MYLIP: variants seen among roughly 807,000 people sequenced by gnomAD.
MYLIP encodes the protein myosin regulatory light chain interacting protein, also known as E3 ubiquitin-protein ligase MYLIP.
MYLIP carries 26 observed loss-of-function variants against 45.8 expected under a neutral mutation model. The ratio of observed to expected loss-of-function variants is 0.57; its 90% CI spans 0.42 to 0.79. The LOEUF is 0.79. Ranked by LOEUF, MYLIP falls within the 30% of genes least tolerant of loss-of-function variation. The probability of loss-of-function intolerance (pLI) is 0.00; values close to 1 mark genes in which losing one functional copy is unlikely to be tolerated. For missense variants in MYLIP, 494 were observed against 555.6 expected, an observed-to-expected ratio of 0.89 and a Z score of 1.11; for synonymous variants, 213 against 218.1, an observed-to-expected ratio of 0.98 and a Z score of 0.21.
chr6:16,156,463 C>G, the MYLIP span, among the ~76,000 whole-genome samples: 10 of 152,292 alleles, frequency 6.6e-5, no homozygotes, highest in Admixed American at 2.0e-4. Context: ...AGGTGGTGGA[C>G]TTCTTTCCAA....
Position 16,143,206 on chromosome 6 carries a change from C to G in MYLIP, c.651C>G (p.Ser217Arg), listed in dbSNP as rs151199797. ...TCTCAATTTGTAAAGATGACTTTAG[C>G]CCAATTAATAGGTAAGCCAAGACTT... The part of the protein sequence containing the change: ...EGISICKDDF[S>R]PINRIAYPVV... The change falls in exon 4 of 7, where the codon AGC becomes AGG. Residue 217 changes from serine (S) to arginine (R), a missense_variant. By Grantham distance (110) the Ser-to-Arg change is moderately radical. Transcript: ENST00000356840. The G allele has an allele frequency of 2.6e-4, 427 of 1,614,144 alleles. 2 individuals carry two copies. The African/African-American group carries it at 5.4e-3, about 20-fold the overall frequency.
intron 5 of MYLIP, 86 bp downstream of exon 5, chr6:16,143,949 G>C: frequency 6.9e-7 from 1 of 1,454,956 alleles, no homozygotes; most frequent in Non-Finnish European, 9.3e-7. Flanking sequence ...TCCTTGGATT[G>C]TTGTGTCAAT....
intron 2 of MYLIP, among the ~76,000 whole-genome samples, chr6:16,135,462 C>T (rs1203279592): frequency 6.6e-6 from 1 of 152,044 alleles, no homozygotes; most frequent in African/African-American, 2.4e-5. Flanking sequence ...ATCAGTGATT[C>T]TCATTTTGTA....
At chr6:16,156,742 T>C in the MYLIP span, among the ~76,000 whole-genome samples, 3 of 152,232 alleles carry the variant, frequency 2.0e-5, no homozygotes, top group Non-Finnish European at 4.4e-5. Flanking sequence ...GGAAAGCAGA[T>C]ATAGCTTGTT....
the MYLIP span, among the ~76,000 whole-genome samples, chr6:16,160,305 T>A: frequency 1.3e-5 from 2 of 152,198 alleles, no homozygotes. Flanking sequence ...GTTGATTGCC[T>A]GCACAACAGC....
chr6:16,158,624 A>T, the MYLIP span, among the ~76,000 whole-genome samples: 1 of 152,226 alleles, frequency 6.6e-6, no homozygotes, highest in Admixed American at 6.5e-5. Flanking sequence ...AATTGGGACA[A>T]GTCGAATAAG....
intron 2 of MYLIP, among the ~76,000 whole-genome samples, chr6:16,139,229 C>G (rs1285308087): frequency 1.3e-5 from 2 of 151,922 alleles, no homozygotes; most frequent in East Asian, 1.9e-4. Context: ...GGTGAAACCC[C>G]GTCTCTAATA....
chr6:16,160,065 A>G, the MYLIP span, among the ~76,000 whole-genome samples: 15 of 152,320 alleles, frequency 9.8e-5, no homozygotes, highest in East Asian at 2.9e-3. Context: ...ACAAACGTGT[A>G]AGAACAATGA....
chr6:16,143,150 A>C lies in MYLIP; in HGVS notation c.595A>C (p.Lys199Gln). The change falls in exon 4 of 7, where the codon AAA becomes CAA. Residue 199 changes from lysine (K) to glutamine (Q), a missense_variant. By Grantham distance (53) the Lys-to-Gln change is moderately conservative. Transcript: ENST00000356840. ...WHSVRDSEGQ[K>Q]LLIGVGPEGI... ...TTCTGTGCGGGATAGCGAAGGGCAGAAACTGCTCATTGGGGTTGGACCTGA... is the reference window on the plus strand; with the variant it reads ...TTCTGTGCGGGATAGCGAAGGGCAGCAACTGCTCATTGGGGTTGGACCTGA... 1 of 1,614,218 alleles carries C rather than the reference A, an allele frequency of 6.2e-7. No homozygotes were observed. Among genetic ancestry groups the C allele is most frequent in the Non-Finnish European group, 8.5e-7 (1 of 1,180,042 alleles).
chr6:16,149,612 T>C (rs1759854103), downstream of MYLIP, among the ~76,000 whole-genome samples: 1 of 152,222 alleles, frequency 6.6e-6, no homozygotes, highest in African/African-American at 2.4e-5. Context: ...GAATCTTGAA[T>C]TCCAGGTTTA....
Position 16,129,100 on chromosome 6 carries a change from A to T in MYLIP, c.-223A>T, listed in dbSNP as rs1037735302. 8 of 549,284 alleles carry T rather than the reference A, an allele frequency of 1.5e-5. No homozygotes were observed. Among genetic ancestry groups the T allele is most frequent in the African/African-American group, 1.4e-4 (7 of 49,350 alleles). 34.0% of individuals were successfully genotyped at this position (549,284 alleles called of 1,614,324 possible). Reference sequence around the variant, plus strand: ...GCAGCGCAGGCAGTTGGGCTGCTGGAGTGCGGCGCCACCGCGGAGGACAGG... The same window carrying T: ...GCAGCGCAGGCAGTTGGGCTGCTGGTGTGCGGCGCCACCGCGGAGGACAGG... On this transcript the variant is annotated 5_prime_UTR_variant, in exon 1 of 7. Coordinates refer to ENST00000356840, the MANE Select transcript of MYLIP (RefSeq NM_013262.4). The surrounding 1 kb of genome is among the most constrained non-coding windows in gnomAD (Gnocchi z 5.1).
rs1042617372 is a variant in MYLIP at position 16,141,956 on chromosome 6, A to G, written c.464+146A>G. On this transcript the variant is annotated intron_variant, in intron 3 of 6. Coordinates refer to ENST00000356840, the MANE Select transcript of MYLIP (RefSeq NM_013262.4). Reference sequence around the variant, plus strand: ...TGATGTTCGAGGCACTTAAGAAGTCATACATAATATACATGTTATGTCAAA... The same window carrying G: ...TGATGTTCGAGGCACTTAAGAAGTCGTACATAATATACATGTTATGTCAAA... 3 of 677,228 alleles carry G rather than the reference A, an allele frequency of 4.4e-6. No homozygotes were observed. The African/African-American group carries it at 5.4e-5, about 12-fold the overall frequency. The allele number at this position is 677,228 out of a possible 1,614,324, so 42.0% of individuals were successfully genotyped here. A position where few individuals can be genotyped will look rare whatever the true frequency, so the allele number is the denominator to read the frequency against.
At chr6:16,135,287 G>A (rs1462191455) in intron 2 of MYLIP, among the ~76,000 whole-genome samples, 1 of 152,188 alleles carries the variant, frequency 6.6e-6, no homozygotes, top group African/African-American at 2.4e-5. Context: ...TGCCTAGGAT[G>A]GGGATCTACT....
At chr6:16,151,715 A>T (rs1207544303), downstream of MYLIP, among the ~76,000 whole-genome samples, 2 of 152,242 alleles carry the variant, frequency 1.3e-5, no homozygotes, top group Non-Finnish European at 2.9e-5. Flanking sequence ...AGTTAGCCCT[A>T]TGCCTCTTAA....
At chr6:16,152,573 G>A (rs1164111457), downstream of MYLIP, among the ~76,000 whole-genome samples, 1 of 152,198 alleles carries the variant, frequency 6.6e-6, no homozygotes, top group African/African-American at 2.4e-5. Context: ...CAGTATTGCT[G>A]CTGTTGAGAA....
At chr6:16,148,344 C>T (rs529902686), downstream of MYLIP, 2 of 150,912 alleles carry the variant, frequency 1.3e-5, no homozygotes, top group Non-Finnish European at 2.9e-5. Context: ...TTCCTCCTAC[C>T]GGGAATTTAA....
chr6:16,141,707 G>T lies in MYLIP; in HGVS notation c.361G>T (p.Ala121Ser), dbSNP rs145292846. The change falls in exon 3 of 7, where the codon GCC (alanine) becomes TCC (serine). Residue 121 changes from alanine to serine, a missense_variant. Transcript: ENST00000356840. ...CSPEQAVELS[A>S]LLAQTKFGDY... ...CCCAGAGCAGGCAGTGGAACTCAGTGCCCTCCTGGCCCAGACCAAGTTTGG... is the reference window on the plus strand; with the variant it reads ...CCCAGAGCAGGCAGTGGAACTCAGTTCCCTCCTGGCCCAGACCAAGTTTGG... 56 of 1,614,118 alleles carry T rather than the reference G, an allele frequency of 3.5e-5. No homozygotes were observed. The African/African-American group carries it at 6.7e-4, about 19-fold the overall frequency.
chr6:16,145,710 T>C (rs1033143264), intron 6 of MYLIP, among the ~76,000 whole-genome samples: 2 of 152,152 alleles, frequency 1.3e-5, no homozygotes, highest in Non-Finnish European at 2.9e-5. Flanking sequence ...ACTTAAGATA[T>C]TTGGGAAAGA....
At chr6:16,163,264 G>C in the MYLIP span, 2 of 152,084 alleles carry the variant, frequency 1.3e-5, no homozygotes, top group African/African-American at 4.8e-5. Flanking sequence ...CACTGGTCTC[G>C]TGCTGCTGGA....
Sources: gnomAD v4.1 joint callset for allele counts (sites outside exome capture counted in the v4.1 genomes callset) on GRCh38, gnomAD v4.1.1 for gene constraint, Gnocchi (gnomAD v3.1) non-coding constraint, MANE v1.5 for transcripts, NCBI Gene and HGNC (gene_info 2026-07-23, HGNC 2026-07-21) for gene names.